GPSM2: variants seen among roughly 807,000 people sequenced by gnomAD.
GPSM2 encodes G protein-signaling modulator 2.
GPSM2 carries 58 observed loss-of-function variants against 78.4 expected under a neutral mutation model. The observed-to-expected ratio is 0.74, with a 90% CI of 0.60 to 0.92. The LOEUF is 0.92. Among genes scored for constraint, GPSM2 ranks in the 40% least tolerant of loss-of-function variants. GPSM2 has a pLI of 0.00. For missense variants in GPSM2, 700 were observed against 815.5 expected, an observed-to-expected ratio of 0.86 and a Z score of 1.73; for synonymous variants, 224 against 280.2, an observed-to-expected ratio of 0.80 and a Z score of 2.00.
intron 1 of GPSM2, among the ~76,000 whole-genome samples, chr1:108,884,994 C>G (rs1647416101): frequency 6.6e-6 from 1 of 152,066 alleles, no homozygotes; most frequent in Admixed American, 6.6e-5. Context: ...TTTTTAGATG[C>G]TAATATGATA....
intron 10 of GPSM2, among the ~76,000 whole-genome samples, chr1:108,904,903 A>G (rs1010578072): frequency 3.3e-5 from 5 of 152,204 alleles, no homozygotes; most frequent in Admixed American, 3.3e-4. Flanking sequence ...GGATAAGATT[A>G]GGATCACATT....
chr1:108,896,282 C>A (rs1035134787), intron 2 of GPSM2, among the ~76,000 whole-genome samples: 1 of 152,078 alleles, frequency 6.6e-6, no homozygotes, highest in Non-Finnish European at 1.5e-5. Flanking sequence ...ATGTGTCTTA[C>A]AGATCAAGAA....
intron 11 of GPSM2, among the ~76,000 whole-genome samples, chr1:108,916,174 G>A (rs768527615): frequency 7.3e-5 from 11 of 151,430 alleles, no homozygotes; most frequent in South Asian, 4.2e-4. Context: ...CAGGAGTATC[G>A]TTTGAGCCTG....
intron 12 of GPSM2, 131 bp from the exon 13 acceptor site, chr1:108,922,286 T>G (rs1650771023): frequency 1.5e-6 from 1 of 689,270 alleles, no homozygotes; most frequent in South Asian, 1.7e-5. Flanking sequence ...CATCTTGTAT[T>G]CTTTTTCAAA....
intron 2 of GPSM2, among the ~76,000 whole-genome samples, chr1:108,893,879 A>G (rs930476613): frequency 6.6e-6 from 1 of 152,000 alleles, no homozygotes; most frequent in African/African-American, 2.4e-5. Context: ...ACATGATGAA[A>G]CCCCATCTCT....
In GPSM2 at chr1:108,931,277, CTTAG is replaced by C. The variant is rs1651906336; in HGVS notation, c.*1340_*1343del. 6.6e-7 allele frequency: 1 copy of C among 1,504,204 alleles called. No homozygotes were observed. The allele number at this position is 1,504,204 out of a possible 1,614,324, so 93.2% of individuals were successfully genotyped here. A position where few individuals can be genotyped will look rare whatever the true frequency, so the allele number is the denominator to read the frequency against. ...ATGAAAGAAAGATGTCAGCTAGAAC[CTTAG>C]TTGTCATTAAGCTTTGTCTTCCTTA... On this transcript the variant is annotated 3_prime_UTR_variant, in exon 15 of 15. Coordinates refer to ENST00000264126, the MANE Select transcript of GPSM2 (RefSeq NM_013296.5).
Position 108,922,678 on chromosome 1 carries a change from G to T in GPSM2, c.1600+102G>T, listed in dbSNP as rs1376431471. 3 of 1,008,142 alleles carry T rather than the reference G, an allele frequency of 3.0e-6. No homozygotes were observed. The East Asian group carries it at 7.1e-5, about 24-fold the overall frequency. The allele number at this position is 1,008,142 out of a possible 1,614,324, so 62.4% of individuals were successfully genotyped here. A position where few individuals can be genotyped will look rare whatever the true frequency, so the allele number is the denominator to read the frequency against. ...TCCCATCATAAGAGATATAATAAAT[G>T]AGCCTGAATTCAGGTATATCTGAAA... is the stretch of plus-strand genomic sequence containing the variant. On this transcript the variant is annotated intron_variant, in intron 13 of 14. Coordinates refer to ENST00000264126, the MANE Select transcript of GPSM2 (RefSeq NM_013296.5).
At chr1:108,896,287 C>A (rs895077559) in intron 2 of GPSM2, among the ~76,000 whole-genome samples, 8 of 151,978 alleles carry the variant, frequency 5.3e-5, no homozygotes, top group African/African-American at 1.9e-4. Context: ...TCTTACAGAT[C>A]AAGAATATTT....
At chr1:108,903,040 C>A in intron 8 of GPSM2, 86 bp from the exon 9 acceptor site, 1 of 775,652 alleles carries the variant, frequency 1.3e-6, no homozygotes. Flanking sequence ...CATTCTTTAT[C>A]CCTTTAGTTC....
rs1211010838 is a variant in GPSM2, at chr1:108,931,385, A to T, written c.*1445A>T. ...CTGTAGCAAAAGACAAGTATGGGAC[A>T]GACTGGGACCTGGAGTAACACTGGA... is the stretch of plus-strand genomic sequence containing the variant. On this transcript the variant is annotated 3_prime_UTR_variant, in exon 15 of 15. Coordinates refer to ENST00000264126, the MANE Select transcript of GPSM2 (RefSeq NM_013296.5). The T allele has an allele frequency of 1.9e-6, 3 of 1,551,104 alleles. No homozygotes were observed. The highest frequency in any genetic ancestry group is 1.7e-6 in the Non-Finnish European group (2 of 1,147,152).
At position 108,931,604 on chromosome 1, in the gene GPSM2, A is replaced by C; in HGVS notation, c.*1664A>C. 6.2e-6 allele frequency: 8 copies of C among 1,293,752 alleles called. No individual in the cohort carries two copies. Among genetic ancestry groups the C allele is most frequent in the Non-Finnish European group, 8.1e-6 (8 of 987,152 alleles). The allele number at this position is 1,293,752 out of a possible 1,614,324, so 80.1% of individuals were successfully genotyped here. A position where few individuals can be genotyped will look rare whatever the true frequency, so the allele number is the denominator to read the frequency against. Reference sequence around the variant, plus strand: ...ATGTTTTTTAAGAGTCATAACCTGGAATTAATTACATTAAGTGCTCAGCTA... The same window carrying C: ...ATGTTTTTTAAGAGTCATAACCTGGCATTAATTACATTAAGTGCTCAGCTA... On this transcript the variant is annotated 3_prime_UTR_variant, in exon 15 of 15. Transcript: ENST00000264126.
Position 108,918,684 on chromosome 1 carries a change from C to T in GPSM2, c.1335C>T (p.Leu445=), listed in dbSNP as rs1557876355. Residue 445 remains leucine, a synonymous_variant, in exon 12 of 15, where the codon CTC becomes CTT. Transcript: ENST00000264126. ...TTGCCAAACCTTCTGCAAAGCTACT[C>T]TTTGTCAACAGACTGAAGGGGAAAA... ...PLIAKPSAKL[L]FVNRLKGKKY... is the part of the protein sequence containing the mutation. 6 of 1,613,004 alleles carry T rather than the reference C, an allele frequency of 3.7e-6. No homozygotes were observed. In the South Asian group the frequency reaches 6.6e-5, roughly 18 times the overall value.
At chr1:108,880,945 C>CTTTTTA (rs751034520) in intron 1 of GPSM2, among the ~76,000 whole-genome samples, 3 of 152,176 alleles carry the variant, frequency 2.0e-5, no homozygotes, top group Non-Finnish European at 4.4e-5. Flanking sequence ...GGTTTGCAAA[C>CTTTTTA]TTTTTACTGC....
chr1:108,897,719 A>C, intron 4 of GPSM2, 92 bp downstream of exon 4: 1 of 1,180,286 alleles, frequency 8.5e-7, no homozygotes, highest in Non-Finnish European at 1.2e-6. Context: ...GTTTATTTTA[A>C]AATTAATACC....
chr1:108,911,988 T>G (rs1649788768), intron 10 of GPSM2, among the ~76,000 whole-genome samples: 1 of 151,850 alleles, frequency 6.6e-6, no homozygotes, highest in Admixed American at 6.6e-5. Context: ...TATATTTTTT[T>G]GCAGATATGG....
intron 10 of GPSM2, among the ~76,000 whole-genome samples, chr1:108,904,871 T>C (rs1486067475): frequency 6.6e-6 from 1 of 152,070 alleles, no homozygotes; most frequent in Non-Finnish European, 1.5e-5. Flanking sequence ...TGAAAGAAAA[T>C]CTACTTTTAA....
At chr1:108,900,894 T>A (rs1268870971) in intron 7 of GPSM2, among the ~76,000 whole-genome samples, 1 of 151,726 alleles carries the variant, frequency 6.6e-6, no homozygotes, top group Admixed American at 6.5e-5. Context: ...TAATTTGTCA[T>A]ATAGTTATAA....
intron 2 of GPSM2, among the ~76,000 whole-genome samples, chr1:108,892,216 C>T (rs1346488542): frequency 1.3e-5 from 2 of 152,042 alleles, no homozygotes; most frequent in African/African-American, 4.8e-5. Flanking sequence ...GTATGTAAGC[C>T]CTTTGAAGCA....
chr1:108,915,998 T>G (rs1650191370), intron 11 of GPSM2, among the ~76,000 whole-genome samples: 1 of 151,058 alleles, frequency 6.6e-6, no homozygotes, highest in Non-Finnish European at 1.5e-5. Context: ...TCCCAGCACT[T>G]TGGGAGGCTG....
Sources: allele counts gnomAD v4.1 joint callset (sites outside exome capture counted in the v4.1 genomes callset), GRCh38; gene constraint gnomAD v4.1.1; transcripts MANE v1.5; gene names NCBI Gene and HGNC (gene_info 2026-07-23, HGNC 2026-07-21).